The following CC2D2A variants were observed in gnomAD, a reference collection of about 807,000 sequenced individuals.
The protein encoded by CC2D2A is coiled-coil and C2 domain-containing protein 2A.
In CC2D2A, 155 loss-of-function variants were observed where a neutral mutation model predicts 212.9. The observed-to-expected ratio is 0.73, with a 90% CI of 0.64 to 0.83. The LOEUF is 0.83. CC2D2A is among the 40% of genes least tolerant of loss of function. The pLI is 0.00. For missense variants in CC2D2A, 1,856 were observed against 1,956.2 expected, an observed-to-expected ratio of 0.95 and a Z score of 0.97; for synonymous variants, 667 against 686.5, an observed-to-expected ratio of 0.97 and a Z score of 0.44.
chr4:15,506,848 CGGA>C (rs1716284242), intron 6 of CC2D2A, among the ~76,000 whole-genome samples: 1 of 151,346 alleles, frequency 6.6e-6, no homozygotes, highest in African/African-American at 2.4e-5. Context: ...CTGAGGCGGG[CGGA>C]TCACGAGGTC....
At chr4:15,481,948 C>CAG in intron 4 of CC2D2A, 1 of 985,424 alleles carries the variant, frequency 1.0e-6, no homozygotes, top group Non-Finnish European at 1.2e-6. Flanking sequence ...ACTTCTCCCC[C>CAG]TACACACGCC....
intron 30 of CC2D2A, among the ~76,000 whole-genome samples, chr4:15,585,068 T>A (rs1720804677): frequency 6.6e-6 from 1 of 152,112 alleles, no homozygotes; most frequent in South Asian, 2.1e-4. Flanking sequence ...ATACAGCCAA[T>A]ATTGAAAAAC....
At chr4:15,516,500 T>G in intron 10 of CC2D2A, 125 bp from the exon 11 acceptor site, 2 of 850,214 alleles carry the variant, frequency 2.4e-6, no homozygotes, top group Non-Finnish European at 3.5e-6. Context: ...TACAGTTCTG[T>G]TGGGGGAGGA....
chr4:15,601,534 AT>A lies in CC2D2A; in HGVS notation c.*111del. ...GAACATATTATTGGCAAATAATAAAATTATCAACTGTTTTCAAACTGTGCAA... is the reference window on the plus strand; with the variant it reads ...GAACATATTATTGGCAAATAATAAAATATCAACTGTTTTCAAACTGTGCAA... On this transcript the variant is annotated 3_prime_UTR_variant, in exon 37 of 37. Transcript: ENST00000424120. 2 of 700,836 alleles carry A rather than the reference AT, an allele frequency of 2.9e-6. No homozygotes were observed. Among genetic ancestry groups the A allele is most frequent in the Non-Finnish European group, 4.4e-6 (2 of 450,740 alleles). 43.4% of individuals were successfully genotyped at this position (700,836 alleles called of 1,614,324 possible). A position where few individuals can be genotyped will look rare whatever the true frequency, so the allele number is the denominator to read the frequency against.
intron 4 of CC2D2A, among the ~76,000 whole-genome samples, chr4:15,484,281 C>G (rs920687855): frequency 6.6e-6 from 1 of 152,082 alleles, no homozygotes; most frequent in Non-Finnish European, 1.5e-5. Flanking sequence ...CGACATTAAG[C>G]AACAGCCAGG....
intron 16 of CC2D2A, among the ~76,000 whole-genome samples, chr4:15,540,013 T>C (rs1718338393): frequency 2.0e-5 from 3 of 152,204 alleles, no homozygotes; most frequent in African/African-American, 7.2e-5. Context: ...TTAGACAACA[T>C]AGTAATTGTA....
chr4:15,509,487 T>G (rs1161831214), intron 6 of CC2D2A, among the ~76,000 whole-genome samples: 1 of 152,194 alleles, frequency 6.6e-6, no homozygotes, highest in African/African-American at 2.4e-5. Flanking sequence ...TTTGCCAGGC[T>G]GGTCTTGAAC....
At chr4:15,600,454 A>G (rs1276897258) in intron 36 of CC2D2A, among the ~76,000 whole-genome samples, 1 of 152,198 alleles carries the variant, frequency 6.6e-6, no homozygotes, top group African/African-American at 2.4e-5. Context: ...ATGGAAGCAA[A>G]TGCTGGAACA....
intron 16 of CC2D2A, among the ~76,000 whole-genome samples, chr4:15,538,866 C>T (rs976799304): frequency 3.3e-5 from 5 of 151,970 alleles, no homozygotes; most frequent in South Asian, 2.1e-4. Context: ...AGTATAGCCC[C>T]AGAATCAGCA....
chr4:15,574,267 A>G lies in CC2D2A; in HGVS notation c.3712A>G (p.Ile1238Val), dbSNP rs964134322. Residue 1238 changes from isoleucine to valine, a missense_variant, in exon 29 of 37, where the codon ATT (isoleucine) becomes GTT (valine). Physicochemically the swap from Ile to Val is conservative, Grantham distance 29. This residue lies in a region of CC2D2A where 1,512 missense variants were observed against 1,579.3 expected (regional missense o/e 0.96). Transcript: ENST00000424120. Reference protein sequence around the residue: ...SVRSLSEGSYITLFITIEPQL... With the variant: ...SVRSLSEGSYVTLFITIEPQL... Reference sequence around the variant, plus strand: ...CCGAAGCTTAAGTGAAGGCTCCTACATTACCCTCTTTATTACCATTGAGCC... The same window carrying G: ...CCGAAGCTTAAGTGAAGGCTCCTACGTTACCCTCTTTATTACCATTGAGCC... 2.1e-5 allele frequency: 32 copies of G among 1,551,488 alleles called. No individual in the cohort carries two copies. The highest frequency in any genetic ancestry group is 1.7e-4 in the Middle Eastern group (1 of 6,008).
chr4:15,483,693 C>G (rs912634434), intron 4 of CC2D2A, among the ~76,000 whole-genome samples: 4 of 152,188 alleles, frequency 2.6e-5, no homozygotes, highest in African/African-American at 4.8e-5. Flanking sequence ...ATTCCGGGCT[C>G]TAAGGATCTA....
rs1314380575 is a variant in CC2D2A, at chr4:15,597,416, C to T, written c.4447C>T (p.Leu1483=). The T allele has an allele frequency of 1.3e-6, 2 of 1,551,814 alleles. No individual in the cohort carries two copies. The highest frequency in any genetic ancestry group is 2.4e-5 in the East Asian group (1 of 41,098). ...ATTTTCTCTTCTATAGCCTGAAGAGCTAATTTACCAGCGCTCAGACAAAGC... is the reference window on the plus strand; with the variant it reads ...ATTTTCTCTTCTATAGCCTGAAGAGTTAATTTACCAGCGCTCAGACAAAGC... ...PGLSSVQPEE[L]IYQRSDKAAA... is the part of the protein sequence containing the mutation. Residue 1483 remains leucine (L), a synonymous_variant, in exon 35 of 37, where the codon CTA becomes TTA. Coordinates refer to ENST00000424120, the MANE Select transcript of CC2D2A (RefSeq NM_001378615.1).
At chr4:15,588,536 T>C (rs1447172023) in intron 32 of CC2D2A, among the ~76,000 whole-genome samples, 2 of 152,222 alleles carry the variant, frequency 1.3e-5, no homozygotes, top group Admixed American at 6.5e-5. Flanking sequence ...AAAATTCACA[T>C]ACATTAGAGC....
chr4:15,563,523 G>A lies in CC2D2A; in HGVS notation c.3182+1G>A, dbSNP rs749583615. The A allele has an allele frequency of 8.1e-6, 13 of 1,611,106 alleles. No individual in the cohort carries two copies. The highest frequency in any genetic ancestry group is 1.1e-5 in the Non-Finnish European group (13 of 1,178,798). The stretch of plus-strand genomic sequence containing the variant: ...TTCCAGTGAGGAAGCCGGCAGTGAG[G>A]TGAGAGCCCTCCCAACAGCCCGAGA... On this transcript the variant is annotated splice_donor_variant, in intron 24 of 36. Coordinates refer to ENST00000424120, the MANE Select transcript of CC2D2A (RefSeq NM_001378615.1). LOFTEE classifies it high-confidence loss of function.
chr4:15,533,332 A>G lies in CC2D2A; in HGVS notation c.1606A>G (p.Lys536Glu), dbSNP rs746526651. The G allele has an allele frequency of 1.1e-5, 17 of 1,538,092 alleles. No individual in the cohort carries two copies. The change falls in exon 14 of 37, where the codon AAG becomes GAG. Residue 536 changes from lysine to glutamate, a missense_variant and splice_region_variant. Physicochemically the swap from Lys to Glu is moderately conservative, Grantham distance 56. Coordinates refer to ENST00000424120, the MANE Select transcript of CC2D2A (RefSeq NM_001378615.1). ...TNTPLKLVLR[K>E]EKADQKADEE... Reference sequence around the variant, plus strand: ...TACTCCCTTGAAACTTGTTTTGAGAAAGTAGGCTTTTTTGAAAAATTATTT... The same window carrying G: ...TACTCCCTTGAAACTTGTTTTGAGAGAGTAGGCTTTTTTGAAAAATTATTT...
At chr4:15,477,792 G>A (rs1426062532) in intron 2 of CC2D2A, among the ~76,000 whole-genome samples, 1 of 152,192 alleles carries the variant, frequency 6.6e-6, no homozygotes, top group Non-Finnish European at 1.5e-5. Context: ...TCCGTCCTCT[G>A]TTATTGCGGT....
At position 15,510,236 on chromosome 4, in the gene CC2D2A, C is replaced by T. The variant is rs1355157477; in HGVS notation, c.536C>T (p.Pro179Leu). 6.2e-7 allele frequency: 1 copy of T among 1,606,482 alleles called. No individual in the cohort carries two copies. The highest frequency in any genetic ancestry group is 8.5e-7 in the Non-Finnish European group (1 of 1,177,424). Residue 179 changes from proline to leucine, a missense_variant, in exon 7 of 37, where the codon CCC becomes CTC. Transcript: ENST00000424120. ...TCTGCACGAAAAATCAAGCCTAAAC[C>T]CCAGGTGAGAAATCTTGTTTTTTAA... ...HDSARKIKPK[P>L]QVPPGFPSAE...
At chr4:15,555,719 G>C (rs574163750) in intron 20 of CC2D2A, among the ~76,000 whole-genome samples, 1 of 152,288 alleles carries the variant, frequency 6.6e-6, no homozygotes, top group East Asian at 1.9e-4. Context: ...AGTCTGAATA[G>C]AGTGAGACTC....
intron 4 of CC2D2A, among the ~76,000 whole-genome samples, chr4:15,489,338 G>A (rs938802435): frequency 1.3e-5 from 2 of 152,114 alleles, no homozygotes; most frequent in African/African-American, 4.8e-5. Flanking sequence ...CCGGGCCTTG[G>A]GGGTTACCTT....
Sources: gnomAD v4.1 joint callset for allele counts (sites outside exome capture counted in the v4.1 genomes callset) on GRCh38, gnomAD v4.1.1 for gene constraint, gnomAD v4.1.1 regional missense constraint, MANE v1.5 for transcripts, NCBI Gene and HGNC (gene_info 2026-07-23, HGNC 2026-07-21) for gene names.